Variants in CNTN5 observed in about 807,000 individuals in gnomAD.
CNTN5 encodes contactin-5.
A neutral mutation model predicts 129.1 loss-of-function variants in CNTN5; 77 were observed. The observed-to-expected ratio is 0.60, with a 90% CI of 0.50 to 0.72. The LOEUF is 0.72. Ranked by LOEUF, CNTN5 falls within the 30% of genes least tolerant of loss-of-function variation. The pLI, the probability that CNTN5 is intolerant of heterozygous loss-of-function variation, is 0.00. For missense variants in CNTN5, 1,478 were observed against 1,328.8 expected (o/e 1.11, Z -1.75); for synonymous variants, 509 against 465.6 (o/e 1.09, Z -1.20).
At chr11:100,042,246 C>G (rs1166881354) in intron 9 of CNTN5, among the ~76,000 whole-genome samples, 2 of 148,230 alleles carry the variant, frequency 1.3e-5, no homozygotes, top group African/African-American at 5.0e-5. Flanking sequence ...TTTTGAGATA[C>G]AGAATCATAA....
intron 2 of CNTN5, among the ~76,000 whole-genome samples, chr11:99,546,929 A>C (rs1161210262): frequency 2.0e-5 from 3 of 151,982 alleles, no homozygotes; most frequent in African/African-American, 7.2e-5. Flanking sequence ...GAAATGTTAT[A>C]GGGAAGAGTG....
At chr11:99,326,681 C>G (rs1013205103) in intron 2 of CNTN5, among the ~76,000 whole-genome samples, 1 of 152,052 alleles carries the variant, frequency 6.6e-6, no homozygotes, top group Non-Finnish European at 1.5e-5. Flanking sequence ...ATTGCAGGCC[C>G]TAACTGTACC....
In CNTN5 at chr11:99,787,892, C is replaced by T. The variant is rs544277898; in HGVS notation, c.56-31652C>T. Among the ~76,000 whole-genome samples the T allele has an allele frequency of 7.2e-5, 11 of 152,032 alleles. No homozygotes were observed. In the East Asian group the frequency reaches 1.2e-3, roughly 16 times the overall value. ...AACATGTAGCTAACCAGACCATATA[C>T]GGATCTGATTCCAATCACTGTTTAT... is the stretch of plus-strand genomic sequence containing the variant. On this transcript the variant is annotated intron_variant, in intron 3 of 24. Coordinates refer to ENST00000524871, the MANE Select transcript of CNTN5 (RefSeq NM_014361.4).
chr11:99,585,924 T>A (rs933701254), intron 3 of CNTN5, among the ~76,000 whole-genome samples: 22 of 152,162 alleles, frequency 1.4e-4, no homozygotes, highest in African/African-American at 4.6e-4. Context: ...AAGTCAGGAT[T>A]TTCTTGTAAA....
intron 1 of CNTN5, among the ~76,000 whole-genome samples, chr11:99,069,336 TG>T: frequency 6.6e-6 from 1 of 152,022 alleles, no homozygotes; most frequent in Admixed American, 6.6e-5. Flanking sequence ...GAACTTTAAG[TG>T]GAGGTCAGAA....
At chr11:99,102,710 T>G (rs1866799140) in intron 1 of CNTN5, among the ~76,000 whole-genome samples, 1 of 152,180 alleles carries the variant, frequency 6.6e-6, no homozygotes, top group Admixed American at 6.6e-5. Context: ...AGCATTTTGG[T>G]CAAAGCCATT....
chr11:99,776,341 A>G (rs1945123264), intron 3 of CNTN5, among the ~76,000 whole-genome samples: 2 of 152,006 alleles, frequency 1.3e-5, no homozygotes, highest in African/African-American at 4.8e-5. Flanking sequence ...TGTTTAATTT[A>G]CATTTTAAAG....
intron 1 of CNTN5, among the ~76,000 whole-genome samples, chr11:99,270,159 C>G (rs1464312587): frequency 6.6e-6 from 1 of 151,628 alleles, no homozygotes; most frequent in Admixed American, 6.6e-5. Flanking sequence ...TCATTTTTAA[C>G]TGACACATAG....
chr11:99,778,672 C>T (rs553081850), intron 3 of CNTN5, among the ~76,000 whole-genome samples: 29 of 151,682 alleles, frequency 1.9e-4, no homozygotes, highest in African/African-American at 6.5e-4. Flanking sequence ...CAACCAGATA[C>T]TTTATTATGC....
At chr11:100,087,447 T>C (rs1944596659) in intron 13 of CNTN5, among the ~76,000 whole-genome samples, 1 of 151,664 alleles carries the variant, frequency 6.6e-6, no homozygotes, top group South Asian at 2.1e-4. Flanking sequence ...TTTCACAGTA[T>C]AGAAAAGAGG....
At position 99,168,578 on chromosome 11, in the gene CNTN5, TCAAAA is replaced by T. The variant is rs56681956; in HGVS notation, c.-210+147329_-210+147333del. Among the ~76,000 whole-genome samples, 19 of 145,868 alleles carry T rather than the reference TCAAAA, an allele frequency of 1.3e-4. No individual in the cohort carries two copies. In the South Asian group the frequency reaches 1.5e-3, roughly 12 times the overall value. On this transcript the variant is annotated intron_variant, in intron 1 of 24. Coordinates refer to ENST00000524871, the MANE Select transcript of CNTN5 (RefSeq NM_014361.4). ...CTGGGTGACAGACTGAGACTCCATC[TCAAAA>T]CAAAACAAAACAAAACAAAAGGATA...
At chr11:99,071,612 A>C (rs867634144) in intron 1 of CNTN5, among the ~76,000 whole-genome samples, 1 of 152,172 alleles carries the variant, frequency 6.6e-6, no homozygotes, top group African/African-American at 2.4e-5. Context: ...AGAAAATTTT[A>C]AAGTCAATGT....
At chr11:99,631,219 A>G (rs1951335788) in intron 3 of CNTN5, among the ~76,000 whole-genome samples, 1 of 152,128 alleles carries the variant, frequency 6.6e-6, no homozygotes, top group Non-Finnish European at 1.5e-5. Flanking sequence ...AAATTTCTAG[A>G]AACATAGAAT....
intron 15 of CNTN5, among the ~76,000 whole-genome samples, chr11:100,196,807 C>G (rs538583578): frequency 2.6e-5 from 4 of 151,490 alleles, no homozygotes; most frequent in Non-Finnish European, 4.4e-5. Flanking sequence ...CATCCAAATC[C>G]TTTTTTTTGG....
At chr11:99,200,441 T>C (rs1335708501) in intron 1 of CNTN5, among the ~76,000 whole-genome samples, 1 of 152,200 alleles carries the variant, frequency 6.6e-6, no homozygotes, top group Non-Finnish European at 1.5e-5. Flanking sequence ...TCAGCTTTAA[T>C]TGCATCTTTC....
Position 99,844,939 on chromosome 11 carries a change from A to T in CNTN5, c.365A>T (p.Asn122Ile), listed in dbSNP as rs1315060461. 6.2e-7 allele frequency: 1 copy of T among 1,613,826 alleles called. No individual in the cohort carries two copies. Among genetic ancestry groups the T allele is most frequent in the South Asian group, 1.1e-5 (1 of 91,054 alleles). ...TCTGATGAAAAGAAGGTAGCATTGA[A>T]TTGTGAAGTTCGTGGCAATCCAGTT... is the stretch of plus-strand genomic sequence containing the variant. The part of the protein sequence containing the change: ...TDSDEKKVAL[N>I]CEVRGNPVPS... Residue 122 changes from asparagine to isoleucine, a missense_variant, in exon 5 of 25, where the codon AAT (asparagine) becomes ATT (isoleucine). Coordinates refer to ENST00000524871, the MANE Select transcript of CNTN5 (RefSeq NM_014361.4).
At chr11:99,401,811 T>G (rs940796748) in intron 2 of CNTN5, among the ~76,000 whole-genome samples, 1 of 151,882 alleles carries the variant, frequency 6.6e-6, no homozygotes, top group African/African-American at 2.4e-5. Context: ...TTAGTTAACT[T>G]AATGCCTAGA....
At chr11:99,400,748 C>A (rs1414696057) in intron 2 of CNTN5, among the ~76,000 whole-genome samples, 1 of 152,060 alleles carries the variant, frequency 6.6e-6, no homozygotes, top group African/African-American at 2.4e-5. Context: ...TTTGTTACTG[C>A]CTGTCTTTTG....
At chr11:99,905,881 T>G (rs1949490675) in intron 6 of CNTN5, among the ~76,000 whole-genome samples, 1 of 152,144 alleles carries the variant, frequency 6.6e-6, no homozygotes, top group African/African-American at 2.4e-5. Flanking sequence ...TGTTCCTAGG[T>G]ATTTTATTCT....
Sources: allele counts gnomAD v4.1 joint callset (sites outside exome capture counted in the v4.1 genomes callset), GRCh38; gene constraint gnomAD v4.1.1; transcripts MANE v1.5; gene names NCBI Gene and HGNC (gene_info 2026-07-23, HGNC 2026-07-21).